CACNG3: variants seen among roughly 807,000 people sequenced by gnomAD.
CACNG3 encodes voltage-dependent calcium channel gamma-3 subunit.
CACNG3 carries 3 observed loss-of-function variants against 28.5 expected under a neutral mutation model. The observed-to-expected ratio is 0.11, with a 90% confidence interval of 0.05 to 0.27. CACNG3 has a LOEUF of 0.27. Among genes scored for constraint, CACNG3 ranks in the 10% least tolerant of loss-of-function variants. The pLI is 1.00. For missense variants in CACNG3, 236 were observed against 414.4 expected, an observed-to-expected ratio of 0.57 and a Z score of 3.74; for synonymous variants, 174 against 162.2, an observed-to-expected ratio of 1.07 and a Z score of -0.55.
chr16:24,271,475 C>T (rs993733250), intron 1 of CACNG3, among the ~76,000 whole-genome samples: 1 of 152,206 alleles, frequency 6.6e-6, no homozygotes, highest in Non-Finnish European at 1.5e-5. Context: ...TGGGCAGCCC[C>T]TTCCCAACTC....
intron 1 of CACNG3, among the ~76,000 whole-genome samples, chr16:24,313,211 A>G (rs1217930800): frequency 6.6e-6 from 1 of 152,218 alleles, no homozygotes; most frequent in African/African-American, 2.4e-5. Flanking sequence ...TCATTAAAAC[A>G]TTCACTATTC....
intron 1 of CACNG3, among the ~76,000 whole-genome samples, chr16:24,313,073 G>GAGGAAGAAAGGAAGGAAGGA (rs1555460278): frequency 7.3e-6 from 1 of 137,924 alleles, no homozygotes; most frequent in Non-Finnish European, 1.5e-5. Context: ...GCGAGGGAGG[G>GAGGAAGAAAGGAAGGAAGGA]AGGAAGGAAG....
At chr16:24,317,285 T>C (rs532167394) in intron 1 of CACNG3, among the ~76,000 whole-genome samples, 1 of 152,238 alleles carries the variant, frequency 6.6e-6, no homozygotes, top group African/African-American at 2.4e-5. Flanking sequence ...CTCCCACCTG[T>C]AATCCCAGCA....
At chr16:24,344,581 C>CT (rs370372302) in intron 1 of CACNG3, among the ~76,000 whole-genome samples, 18 of 152,216 alleles carry the variant, frequency 1.2e-4, no homozygotes, top group African/African-American at 4.3e-4. Flanking sequence ...TGAATAAGGT[C>CT]TTTTTTTCCC....
chr16:24,334,551 T>G (rs1055204145), intron 1 of CACNG3, among the ~76,000 whole-genome samples: 1 of 152,196 alleles, frequency 6.6e-6, no homozygotes, highest in African/African-American at 2.4e-5. Flanking sequence ...CTCCTTCCAC[T>G]GGAGGGGGGA....
chr16:24,334,309 T>C (rs1899671934), intron 1 of CACNG3, among the ~76,000 whole-genome samples: 1 of 152,130 alleles, frequency 6.6e-6, no homozygotes, highest in Non-Finnish European at 1.5e-5. Context: ...GAATTGGCCC[T>C]GTTTATGGGT....
intron 1 of CACNG3, among the ~76,000 whole-genome samples, chr16:24,304,401 G>A (rs1247892458): frequency 6.6e-6 from 1 of 152,048 alleles, no homozygotes; most frequent in African/African-American, 2.4e-5. Context: ...AATGCACACA[G>A]TGTAGGTATA....
At chr16:24,305,615 G>A (rs1214893037) in intron 1 of CACNG3, among the ~76,000 whole-genome samples, 2 of 152,016 alleles carry the variant, frequency 1.3e-5, no homozygotes, top group Non-Finnish European at 2.9e-5. Flanking sequence ...ATGGACACAG[G>A]GAGGAGAACA....
chr16:24,346,300 G>C (rs1424602933), intron 1 of CACNG3, among the ~76,000 whole-genome samples: 2 of 152,098 alleles, frequency 1.3e-5, no homozygotes, highest in African/African-American at 4.8e-5. Flanking sequence ...GACTGATCCC[G>C]TTGGCTCATG....
At chr16:24,317,121 T>A (rs1215329927) in intron 1 of CACNG3, among the ~76,000 whole-genome samples, 3 of 152,072 alleles carry the variant, frequency 2.0e-5, no homozygotes, top group Admixed American at 6.6e-5. Flanking sequence ...TGCCCACACA[T>A]CCCATGTCTC....
intron 1 of CACNG3, among the ~76,000 whole-genome samples, chr16:24,290,562 G>A (rs550331220): frequency 6.6e-6 from 1 of 152,296 alleles, no homozygotes; most frequent in South Asian, 2.1e-4. Flanking sequence ...GAGTTTGAGT[G>A]TCTTCACCTC....
chr16:24,330,652 T>A (rs1899620182), intron 1 of CACNG3, among the ~76,000 whole-genome samples: 2 of 152,216 alleles, frequency 1.3e-5, no homozygotes, highest in Non-Finnish European at 2.9e-5. Context: ...CAGGTGATTC[T>A]CATGCAAGTG....
chr16:24,292,647 G>A (rs895010782), intron 1 of CACNG3, among the ~76,000 whole-genome samples: 47 of 151,472 alleles, frequency 3.1e-4, no homozygotes, highest in African/African-American at 1.1e-3. Context: ...CCTCTTCTCC[G>A]TTTCCCTCTT....
intron 1 of CACNG3, among the ~76,000 whole-genome samples, chr16:24,261,204 C>CTCT (rs1177944038): frequency 6.6e-6 from 1 of 152,100 alleles, no homozygotes; most frequent in African/African-American, 2.4e-5. Context: ...TTTCCCAATC[C>CTCT]TCTTAGCTCA....
intron 1 of CACNG3, among the ~76,000 whole-genome samples, chr16:24,271,584 T>C (rs529521259): frequency 2.0e-5 from 3 of 152,126 alleles, no homozygotes; most frequent in Non-Finnish European, 1.5e-5. Flanking sequence ...AGTGAGTGAT[T>C]TGAATTTAGG....
At chr16:24,259,280 T>C (rs1209845613) in intron 1 of CACNG3, among the ~76,000 whole-genome samples, 1 of 152,216 alleles carries the variant, frequency 6.6e-6, no homozygotes, top group African/African-American at 2.4e-5. Context: ...CCTAGGTGGG[T>C]CCTGGCTGAA....
At chr16:24,354,792 T>A (rs1190010606) in intron 2 of CACNG3, 41 bp from the exon 3 acceptor site, 9 of 1,599,864 alleles carry the variant, frequency 5.6e-6, no homozygotes, top group Non-Finnish European at 7.7e-6. Context: ...CCCCAGGGGC[T>A]GGCTGGGCAC....
At chr16:24,301,404 G>A (rs1157177526) in intron 1 of CACNG3, among the ~76,000 whole-genome samples, 3 of 152,104 alleles carry the variant, frequency 2.0e-5, no homozygotes, top group Admixed American at 6.5e-5. Flanking sequence ...GGAGGTTGAA[G>A]AATTAACTCT....
In CACNG3 at chr16:24,351,757, A is replaced by G. The variant is rs867415598; in HGVS notation, c.296-3076A>G. On this transcript the variant is annotated intron_variant, in intron 2 of 3. Transcript: ENST00000005284. ...AGAGAAAGGAAGGAAGGAAGGAAGG[A>G]AGAGAGAGAGAGAAAGAAAGATTGG... 8.9e-4 allele frequency among the ~76,000 whole-genome samples: 126 copies of G among 141,754 alleles called. 1 individual carries two copies. The highest frequency in any genetic ancestry group is 1.6e-3 in the Admixed American group (22 of 14,012). The allele number at this position is 141,754 out of a possible 152,430, so 93.0% of individuals were successfully genotyped here.
Sources: gnomAD v4.1 joint callset for allele counts (sites outside exome capture counted in the v4.1 genomes callset) on GRCh38, gnomAD v4.1.1 for gene constraint, MANE v1.5 for transcripts, NCBI Gene and HGNC (gene_info 2026-07-23, HGNC 2026-07-21) for gene names.